The following PRKN variants were observed in gnomAD, a reference collection of about 807,000 sequenced individuals.
PRKN encodes the protein parkin RBR E3 ubiquitin protein ligase, also known as E3 ubiquitin-protein ligase parkin.
PRKN carries 56 observed loss-of-function variants against 59.5 expected under a neutral mutation model. The observed-to-expected ratio is 0.94, with a 90% CI of 0.76 to 1.18. The LOEUF is 1.18. Ranked by LOEUF, PRKN falls within the 50% of genes most tolerant of loss-of-function variation. The probability of loss-of-function intolerance (pLI) is 0.00; values close to 1 mark genes in which losing one functional copy is unlikely to be tolerated. For synonymous variants in PRKN, 250 were observed against 222.1 expected, an observed-to-expected ratio of 1.13 and a Z score of -1.12; for missense variants, 657 against 596.4, an observed-to-expected ratio of 1.10 and a Z score of -1.06.
intron 5 of PRKN, among the ~76,000 whole-genome samples, chr6:162,036,431 G>A (rs1783851793): frequency 6.6e-6 from 1 of 151,914 alleles, no homozygotes; most frequent in African/African-American, 2.4e-5. Flanking sequence ...CCAGGGTGGA[G>A]TGCAACGGCA....
chr6:162,051,546 C>A, intron 5 of PRKN, among the ~76,000 whole-genome samples: 2 of 152,264 alleles, frequency 1.3e-5, no homozygotes, highest in Middle Eastern at 3.4e-3. Context: ...CGAGCAGGAG[C>A]GTGGCCTTTG....
chr6:161,970,422 CAT>C (rs1189574623), intron 6 of PRKN, among the ~76,000 whole-genome samples: 4 of 137,874 alleles, frequency 2.9e-5, no homozygotes, highest in African/African-American at 1.0e-4. Flanking sequence ...TATATATATA[CAT>C]ACACACACAA....
chr6:162,162,442 G>A (rs1782797991), intron 4 of PRKN, among the ~76,000 whole-genome samples: 1 of 152,102 alleles, frequency 6.6e-6, no homozygotes, highest in Non-Finnish European at 1.5e-5. Flanking sequence ...ACTGAGGCAC[G>A]ACTGTTTGTA....
intron 1 of PRKN, among the ~76,000 whole-genome samples, chr6:162,577,138 A>C (rs1305673084): frequency 6.6e-6 from 1 of 152,190 alleles, no homozygotes; most frequent in Non-Finnish European, 1.5e-5. Flanking sequence ...AACCAAAGAG[A>C]GTTATATCTT....
At chr6:161,754,746 A>G (rs1374124832) in intron 7 of PRKN, among the ~76,000 whole-genome samples, 3 of 152,194 alleles carry the variant, frequency 2.0e-5, no homozygotes, top group East Asian at 3.8e-4. Context: ...TATCCCTAAC[A>G]TTCACAATAT....
chr6:161,985,529 C>T (rs1781404207), intron 5 of PRKN, among the ~76,000 whole-genome samples: 2 of 152,142 alleles, frequency 1.3e-5, no homozygotes, highest in African/African-American at 2.4e-5. Flanking sequence ...TTGAAAATTC[C>T]TTATGACTCA....
At position 161,552,803 on chromosome 6, in the gene PRKN, T is replaced by G. The variant is rs1224841329; in HGVS notation, c.934-3800A>C. ...TTTGTTGTTGTTTTTGTTTTTTGTT[T>G]TTTTTTTTTAGACGGAGTCTCGTTG... is the stretch of plus-strand genomic sequence containing the variant. On this transcript the variant is annotated intron_variant, in intron 8 of 11. Coordinates refer to ENST00000366898, the MANE Select transcript of PRKN (RefSeq NM_004562.3). The surrounding 1 kb of genome is among the most constrained non-coding windows in gnomAD (Gnocchi z 4.9). Among the ~76,000 whole-genome samples the G allele has an allele frequency of 6.7e-6, 1 of 149,760 alleles. No individual in the cohort carries two copies. Among genetic ancestry groups the G allele is most frequent in the African/African-American group, 2.4e-5 (1 of 40,882 alleles).
intron 6 of PRKN, among the ~76,000 whole-genome samples, chr6:161,832,245 A>G (rs987669871): frequency 1.3e-5 from 2 of 152,258 alleles, no homozygotes; most frequent in African/African-American, 4.8e-5. Context: ...GGGGACCCAT[A>G]GAACCACGTA....
chr6:162,529,849 G>A (rs2803077), intron 1 of PRKN, among the ~76,000 whole-genome samples: 53,340 of 152,168 alleles, frequency 0.35, 11,181 homozygotes, highest in Middle Eastern at 0.51. Flanking sequence ...AAAATCTTAA[G>A]CTGGGCGTGG....
At chr6:161,368,047 T>C (rs1785280531) in intron 10 of PRKN, among the ~76,000 whole-genome samples, 1 of 151,840 alleles carries the variant, frequency 6.6e-6, no homozygotes, top group South Asian at 2.1e-4. Context: ...TCAAGTCACA[T>C]GCTACAAAGA....
chr6:161,536,854 A>G (rs959530968), intron 9 of PRKN, among the ~76,000 whole-genome samples: 1 of 152,232 alleles, frequency 6.6e-6, no homozygotes, highest in Non-Finnish European at 1.5e-5. Context: ...GAAACTAAAA[A>G]TAGACACAGT....
rs1005294288 is a variant in PRKN at position 161,470,167 on chromosome 6, C to A, written c.1083+78687G>T. On this transcript the variant is annotated intron_variant, in intron 9 of 11. Transcript: ENST00000366898. This position sits in a 1 kb window ranked among gnomAD's most constrained non-coding sequence, Gnocchi z 5.1. ...ACTCTGGCTAGGGTCTAAACCTAGA[C>A]AGTCTGAGCCTTGTAACCTACACTA... 2.0e-5 allele frequency among the ~76,000 whole-genome samples: 3 copies of A among 152,184 alleles called. No homozygotes were observed. Among genetic ancestry groups the A allele is most frequent in the South Asian group, 4.1e-4 (2 of 4,832 alleles).
rs539720916 is a variant in PRKN, at chr6:161,634,873, G to C, written c.872-65457C>G. ...TGAGAGAAAGGAAGAGAAGAGTTAA[G>C]GATCTGCTGAGTGTGGCATTTCCTC... On this transcript the variant is annotated intron_variant, in intron 7 of 11. Transcript: ENST00000366898. Among the ~76,000 whole-genome samples the C allele has an allele frequency of 1.4e-4, 22 of 152,338 alleles. No homozygotes were observed. The East Asian group carries it at 4.1e-3, about 28-fold the overall frequency.
At chr6:162,345,269 G>T (rs1477797592) in intron 2 of PRKN, among the ~76,000 whole-genome samples, 2 of 152,152 alleles carry the variant, frequency 1.3e-5, no homozygotes, top group Admixed American at 6.5e-5. Context: ...TAAGAATCAG[G>T]GCAGATGTTG....
intron 9 of PRKN, among the ~76,000 whole-genome samples, chr6:161,427,391 G>A (rs1788419682): frequency 6.6e-6 from 1 of 152,046 alleles, no homozygotes; most frequent in African/African-American, 2.4e-5. Flanking sequence ...TTTTTCAGAG[G>A]AGGAAACTGA....
chr6:162,642,488 T>C (rs1778000231), intron 1 of PRKN, among the ~76,000 whole-genome samples: 1 of 152,118 alleles, frequency 6.6e-6, no homozygotes, highest in Non-Finnish European at 1.5e-5. Flanking sequence ...TAACATTCTA[T>C]AAAACATAAT....
intron 4 of PRKN, among the ~76,000 whole-genome samples, chr6:162,151,639 T>C (rs1782274687): frequency 6.6e-6 from 1 of 152,176 alleles, no homozygotes; most frequent in Non-Finnish European, 1.5e-5. Context: ...ATTTTCCTTT[T>C]CCAAACACAC....
chr6:162,544,097 T>G (rs1224757616), intron 1 of PRKN, among the ~76,000 whole-genome samples: 1 of 152,224 alleles, frequency 6.6e-6, no homozygotes, highest in African/African-American at 2.4e-5. Context: ...TATGACTTTA[T>G]GAGGATCATG....
intron 6 of PRKN, among the ~76,000 whole-genome samples, chr6:161,791,475 T>G (rs1285600878): frequency 1.3e-5 from 2 of 152,232 alleles, no homozygotes; most frequent in Non-Finnish European, 2.9e-5. Context: ...TTGTTCTCTC[T>G]CATTTGCCCT....
Sources: gnomAD v4.1 joint callset for allele counts (sites outside exome capture counted in the v4.1 genomes callset) on GRCh38, gnomAD v4.1.1 for gene constraint, Gnocchi (gnomAD v3.1) non-coding constraint, MANE v1.5 for transcripts, NCBI Gene and HGNC (gene_info 2026-07-23, HGNC 2026-07-21) for gene names.